Variants in ZC3H12B observed in about 807,000 individuals in gnomAD.
ZC3H12B encodes zinc finger CCCH-type containing 12B.
Under a neutral mutation model 43.9 loss-of-function variants are expected in ZC3H12B, and 7 were observed. The observed-to-expected ratio is 0.16, with a 90% CI of 0.09 to 0.30. ZC3H12B has a LOEUF of 0.30. Ranked by LOEUF, ZC3H12B falls within the 10% of genes least tolerant of loss-of-function variation. The pLI is 1.00. For missense variants in ZC3H12B, 475 were observed against 670.2 expected (o/e 0.71, Z 3.22); for synonymous variants, 222 against 241.7 (o/e 0.92, Z 0.76).
the ZC3H12B span, among the ~76,000 whole-genome samples, chrX:65,327,525 A>G: frequency 9.0e-6 from 1 of 111,516 alleles, no homozygotes; most frequent in Admixed American, 9.6e-5. Flanking sequence ...CTAAAGAAAA[A>G]CATGGATGAC....
At chrX:65,118,451 G>A in the ZC3H12B span, among the ~76,000 whole-genome samples, 1 of 111,279 alleles carries the variant, frequency 9.0e-6, no homozygotes, top group African/African-American at 3.3e-5. Context: ...ATCAGCTTAA[G>A]GAGATTTTGG....
the ZC3H12B span, among the ~76,000 whole-genome samples, chrX:65,117,893 G>T: frequency 5.4e-5 from 6 of 110,926 alleles, no homozygotes; most frequent in South Asian, 3.7e-4. Context: ...ATTATTTCTG[G>T]AGGGTGTGTT....
At chrX:65,156,444 A>G in the ZC3H12B span, among the ~76,000 whole-genome samples, 1 of 111,856 alleles carries the variant, frequency 8.9e-6, no homozygotes, top group South Asian at 3.7e-4. Context: ...GCAATGGCGC[A>G]ATCTCGTCTC....
At chrX:65,328,801 TG>T in the ZC3H12B span, among the ~76,000 whole-genome samples, 1 of 103,872 alleles carries the variant, frequency 9.6e-6, no homozygotes, top group Non-Finnish European at 2.0e-5. Flanking sequence ...ATGCGGTGTT[TG>T]GTTTTTTGTC....
chrX:65,114,886 C>T, the ZC3H12B span, among the ~76,000 whole-genome samples: 1 of 52,510 alleles, frequency 1.9e-5, no homozygotes, highest in Admixed American at 2.1e-4. Flanking sequence ...ATTAATTTCT[C>T]TTTCAGCACT....
chrX:65,153,822 A>AAG, the ZC3H12B span, among the ~76,000 whole-genome samples: 1 of 110,972 alleles, frequency 9.0e-6, no homozygotes, highest in Non-Finnish European at 1.9e-5. Context: ...AAAGACTTGG[A>AAG]ACCAACCCAA....
the ZC3H12B span, among the ~76,000 whole-genome samples, chrX:65,215,971 C>T: frequency 9.0e-6 from 1 of 111,378 alleles, no homozygotes; most frequent in African/African-American, 3.3e-5. Flanking sequence ...TATAACCCAA[C>T]AATTAATGAT....
intron 2 of ZC3H12B, among the ~76,000 whole-genome samples, chrX:65,379,670 G>A (rs901442796): frequency 8.9e-6 from 1 of 111,996 alleles, no homozygotes. Flanking sequence ...AGCTACGGGA[G>A]GACATTCAAA....
chrX:65,497,510 G>A (rs907293085), intron 2 of ZC3H12B, among the ~76,000 whole-genome samples: 15 of 112,485 alleles, frequency 1.3e-4, no homozygotes, highest in Non-Finnish European at 2.3e-4. Context: ...TCAAAAAAAA[G>A]GAGTGCTTTT....
chrX:65,481,932 G>T (rs1333079213), intron 3 of ZC3H12B, among the ~76,000 whole-genome samples: 1 of 111,318 alleles, frequency 9.0e-6, no homozygotes, highest in Non-Finnish European at 1.9e-5. Flanking sequence ...GGAGATTTTT[G>T]GAACTAACTA....
the ZC3H12B span, among the ~76,000 whole-genome samples, chrX:65,187,614 A>G: frequency 2.7e-5 from 3 of 109,762 alleles, no homozygotes; most frequent in African/African-American, 9.9e-5. Context: ...AACCGCAATT[A>G]CTTTTGCACC....
intron 2 of ZC3H12B, among the ~76,000 whole-genome samples, chrX:65,383,507 T>A (rs373576364): frequency 4.5e-5 from 5 of 111,504 alleles, no homozygotes; most frequent in African/African-American, 3.3e-5. Flanking sequence ...ACCCTAGAAG[T>A]AAACCTAGGC....
the ZC3H12B span, among the ~76,000 whole-genome samples, chrX:65,145,918 C>A: frequency 1.8e-5 from 2 of 111,033 alleles, no homozygotes; most frequent in Non-Finnish European, 3.8e-5. Flanking sequence ...TCTTAGGATT[C>A]TTTCCTTCAT....
the ZC3H12B span, among the ~76,000 whole-genome samples, chrX:65,105,975 G>A: frequency 9.0e-6 from 1 of 111,694 alleles, no homozygotes; most frequent in Non-Finnish European, 1.9e-5. Context: ...CTTATTATGT[G>A]CAGTGCTCTC....
At chrX:65,290,628 G>A in the ZC3H12B span, among the ~76,000 whole-genome samples, 1 of 110,686 alleles carries the variant, frequency 9.0e-6, no homozygotes, top group African/African-American at 3.3e-5. Flanking sequence ...TAGATGAATG[G>A]GCAAAGAAAA....
chrX:65,181,743 T>G, the ZC3H12B span, among the ~76,000 whole-genome samples: 1 of 111,461 alleles, frequency 9.0e-6, no homozygotes, highest in Non-Finnish European at 1.9e-5. Context: ...ATTCAAAAGT[T>G]AGGAAACAAC....
At chrX:65,432,096 C>A (rs1190634101) in intron 3 of ZC3H12B, among the ~76,000 whole-genome samples, 1 of 111,941 alleles carries the variant, frequency 8.9e-6, no homozygotes, top group African/African-American at 3.3e-5. Context: ...GGAGTAGACA[C>A]CATGGGTATT....
At chrX:65,069,187 C>G in the ZC3H12B span, among the ~76,000 whole-genome samples, 6 of 107,447 alleles carry the variant, frequency 5.6e-5, no homozygotes, top group African/African-American at 2.0e-4. Context: ...GGGAAGTTCT[C>G]TGTTATTATC....
chrX:65,399,543 G>A (rs762268849), intron 3 of ZC3H12B, among the ~76,000 whole-genome samples: 8 of 111,647 alleles, frequency 7.2e-5, no homozygotes, highest in Non-Finnish European at 1.5e-4. Context: ...AAATGCTGGC[G>A]AGAATGTGGA....
Sources: allele counts gnomAD v4.1 joint callset (sites outside exome capture counted in the v4.1 genomes callset), GRCh38; gene constraint gnomAD v4.1.1; transcripts MANE v1.5; gene names NCBI Gene and HGNC (gene_info 2026-07-23, HGNC 2026-07-21).